Variants in ZNF721 observed in about 807,000 individuals in gnomAD.
ZNF721 encodes zinc finger protein 721.
A neutral mutation model predicts 2.4 loss-of-function variants in ZNF721; 2 were observed. The ratio of observed to expected loss-of-function variants is 0.82; its 90% confidence interval spans 0.34 to 2.58. The LOEUF (loss-of-function observed/expected upper bound fraction) is 2.58, where lower values mean the gene tolerates loss of function less well. Among genes scored for constraint, ZNF721 ranks in the 30% most tolerant of loss-of-function variants. The probability of loss-of-function intolerance (pLI) is 0.11; values close to 1 mark genes in which losing one functional copy is unlikely to be tolerated. For missense variants in ZNF721, 1,187 were observed against 1,085.5 expected (o/e 1.09, Z -1.31); for synonymous variants, 398 against 381.8 (o/e 1.04, Z -0.50).
chr4:449,404 T>A (rs1714578376), intron 2 of ZNF721, among the ~76,000 whole-genome samples: 1 of 151,832 alleles, frequency 6.6e-6, no homozygotes, highest in Non-Finnish European at 1.5e-5. Flanking sequence ...ATAAAAAAAA[T>A]AAAACTAGGC....
At position 444,025 on chromosome 4, in the gene ZNF721, A is replaced by G. The variant is rs1430533923; in HGVS notation, c.442T>C (p.Trp148Arg). ...TTGTGTTGATTCAGGTCTGTGTACC[A>G]TCCAAAGTCTTTGCCACGTTCTTCA... is the stretch of plus-strand genomic sequence containing the variant. Reference protein sequence around the residue: ...TCEERGKDFGWYTDLNQHKKI... With the variant: ...TCEERGKDFGRYTDLNQHKKI... The change falls in exon 3 of 3, where the codon TGG becomes CGG. Residue 148 changes from tryptophan to arginine, a missense_variant. Physicochemically the swap from Trp to Arg is moderately radical, Grantham distance 101. Transcript: ENST00000511833. The G allele has an allele frequency of 1.9e-6, 3 of 1,613,598 alleles. No homozygotes were observed. The highest frequency in any genetic ancestry group is 1.3e-5 in the African/African-American group (1 of 74,940).
rs1553863857 is a variant in ZNF721, at chr4:444,129, T to C, written c.338A>G (p.Glu113Gly). 1.9e-6 allele frequency: 3 copies of C among 1,614,174 alleles called. No homozygotes were observed. In the South Asian group the frequency reaches 3.3e-5, roughly 18 times the overall value. ...HTGEKHFKCN[E>G]CGKSFQKFSD... The stretch of plus-strand genomic sequence containing the variant: ...GAACTTCTGAAATGACTTGCCACAT[T>C]CGTTACATTTAAAGTGTTTCTCTCC... Residue 113 changes from glutamate (E) to glycine (G), a missense_variant, in exon 3 of 3, where the codon GAA (glutamate) becomes GGA (glycine). Coordinates refer to ENST00000511833, the MANE Select transcript of ZNF721 (RefSeq NM_133474.4).
chr4:489,007 C>T (rs185734551), intron 1 of ZNF721, among the ~76,000 whole-genome samples: 147 of 152,220 alleles, frequency 9.7e-4, no homozygotes, highest in African/African-American at 3.3e-3. Flanking sequence ...AGAACTTCCT[C>T]TTATGCCAGG....
intron 1 of ZNF721, among the ~76,000 whole-genome samples, chr4:480,109 G>C (rs6599350): frequency 0.39 from 58,992 of 151,894 alleles, 11,845 homozygotes; most frequent in African/African-American, 0.5. Context: ...ATGTGGGGCT[G>C]AATTAAAATA....
At chr4:484,417 T>C (rs2108719924) in intron 1 of ZNF721, among the ~76,000 whole-genome samples, 1 of 152,372 alleles carries the variant, frequency 6.6e-6, no homozygotes, top group Non-Finnish European at 1.5e-5. Flanking sequence ...ATAAGAGAGA[T>C]AACCTTAAAC....
At chr4:446,686 TTC>T (rs1714485511) in intron 2 of ZNF721, among the ~76,000 whole-genome samples, 1 of 151,020 alleles carries the variant, frequency 6.6e-6, no homozygotes, top group East Asian at 2.0e-4. Flanking sequence ...ACCCCGAATT[TTC>T]TTTTTTTTTT....
In ZNF721 at chr4:442,737, C is replaced by A. The variant is rs781915533; in HGVS notation, c.1730G>T (p.Arg577Ile). 2.5e-6 allele frequency: 4 copies of A among 1,613,852 alleles called. No homozygotes were observed. Among genetic ancestry groups the A allele is most frequent in the South Asian group, 1.1e-5 (1 of 91,046 alleles). The change falls in exon 3 of 3, where the codon AGA becomes ATA. Residue 577 changes from arginine to isoleucine, a missense_variant. By Grantham distance (97) the Arg-to-Ile change is moderately conservative. Transcript: ENST00000511833. ...RQSANLYVHR[R>I]IHTGEKPYKC... is the part of the protein sequence containing the mutation. ...GTAAGGTTTCTCTCCAGTATGAATT[C>A]TCCTATGTACATAAAGGTTTGCGGA...
chr4:476,373 T>C (rs1715623334), intron 1 of ZNF721, among the ~76,000 whole-genome samples: 1 of 152,222 alleles, frequency 6.6e-6, no homozygotes, highest in Non-Finnish European at 1.5e-5. Flanking sequence ...TGTTTGAATC[T>C]GAACTTACCT....
chr4:481,779 G>T (rs568828832), intron 1 of ZNF721, among the ~76,000 whole-genome samples: 1 of 152,126 alleles, frequency 6.6e-6, no homozygotes, highest in Non-Finnish European at 1.5e-5. Context: ...TGAACACAGC[G>T]TCCACCTTTG....
At chr4:475,687 T>C (rs1715607233) in intron 1 of ZNF721, among the ~76,000 whole-genome samples, 1 of 152,068 alleles carries the variant, frequency 6.6e-6, no homozygotes, top group Non-Finnish European at 1.5e-5. Flanking sequence ...TTCCTCTTCA[T>C]TCAGGGTAGG....
chr4:472,833 C>T (rs1229451232), intron 1 of ZNF721, 132 bp from the exon 2 acceptor site: 23 of 1,224,960 alleles, frequency 1.9e-5, no homozygotes, highest in African/African-American at 4.6e-5. Context: ...GTAATGTTCT[C>T]TAAAGTATTC....
At chr4:498,197 T>G (rs780010986) in intron 1 of ZNF721, among the ~76,000 whole-genome samples, 1 of 135,274 alleles carries the variant, frequency 7.4e-6, no homozygotes, top group Non-Finnish European at 1.5e-5. Flanking sequence ...AGAGTGAGAT[T>G]TCATCTGAAA....
intron 2 of ZNF721, among the ~76,000 whole-genome samples, chr4:470,046 C>A (rs111247031): frequency 0.18 from 26,796 of 152,078 alleles, 2,947 homozygotes; most frequent in Non-Finnish European, 0.23. Context: ...CCATGCCCAG[C>A]TAATTTTTTG....
In ZNF721 at chr4:492,840, ATCTT is replaced by A. The variant is rs540205649; in HGVS notation, c.-94+6212_-94+6215del. On this transcript the variant is annotated intron_variant, in intron 1 of 2. Transcript: ENST00000511833. ...ACTTTATTTTTGTAACTTTATTTAC[ATCTT>A]TCTTATTTCATGGTTCTTTTACCTT... Among the ~76,000 whole-genome samples, 249 of 150,992 alleles carry A rather than the reference ATCTT, an allele frequency of 1.6e-3. 1 individual carries two copies. The highest frequency in any genetic ancestry group is 5.9e-3 in the African/African-American group (243 of 41,392).
intron 1 of ZNF721, among the ~76,000 whole-genome samples, chr4:483,957 A>G (rs562511481): frequency 2.0e-4 from 31 of 152,150 alleles, no homozygotes; most frequent in African/African-American, 7.0e-4. Context: ...GACTCCAGGG[A>G]TGTACCAGCA....
intron 1 of ZNF721, among the ~76,000 whole-genome samples, chr4:487,593 A>T (rs1306073064): frequency 6.6e-6 from 1 of 152,246 alleles, no homozygotes; most frequent in Non-Finnish European, 1.5e-5. Context: ...ACAGGATTCC[A>T]GGATTCCAGG....
chr4:449,313 T>C (rs546322831), intron 2 of ZNF721, among the ~76,000 whole-genome samples: 1 of 152,222 alleles, frequency 6.6e-6, no homozygotes, highest in East Asian at 1.9e-4. Context: ...CACAAAAGTA[T>C]AGATTTTCCA....
chr4:467,647 C>T (rs1715294465), intron 2 of ZNF721, among the ~76,000 whole-genome samples: 1 of 152,230 alleles, frequency 6.6e-6, no homozygotes, highest in Admixed American at 6.5e-5. Context: ...TCAATCTCAG[C>T]TGTAGTCCAG....
At chr4:496,945 C>T (rs1271053471) in intron 1 of ZNF721, among the ~76,000 whole-genome samples, 1 of 151,906 alleles carries the variant, frequency 6.6e-6, no homozygotes, top group South Asian at 2.1e-4. Flanking sequence ...ATCTCCTGAC[C>T]TCGTGATCCG....
Sources: gnomAD v4.1 joint callset for allele counts (sites outside exome capture counted in the v4.1 genomes callset) on GRCh38, gnomAD v4.1.1 for gene constraint, MANE v1.5 for transcripts, NCBI Gene and HGNC (gene_info 2026-07-23, HGNC 2026-07-21) for gene names.